PAIP2B: variants seen among roughly 807,000 people sequenced by gnomAD.
PAIP2B encodes the protein poly(A) binding protein interacting protein 2B, also known as polyadenylate-binding protein-interacting protein 2B.
PAIP2B carries 13 observed loss-of-function variants against 17.0 expected under a neutral mutation model. The observed-to-expected ratio is 0.76, with a 90% CI of 0.50 to 1.22. The LOEUF is 1.22. Among genes scored for constraint, PAIP2B ranks in the 50% most tolerant of loss-of-function variants. The pLI, the probability that PAIP2B is intolerant of heterozygous loss-of-function variation, is 0.00. For missense variants in PAIP2B, 117 were observed against 144.5 expected, an observed-to-expected ratio of 0.81 and a Z score of 0.98; for synonymous variants, 43 against 48.7, an observed-to-expected ratio of 0.88 and a Z score of 0.48.
At chr2:71,219,082 A>ATTTTTTTTTTTTTTT (rs568552077) in intron 1 of PAIP2B, among the ~76,000 whole-genome samples, 3 of 113,998 alleles carry the variant, frequency 2.6e-5, no homozygotes, top group African/African-American at 1.1e-4. Context: ...CGCCTAGCTA[A>ATTTTTTTTTTTTTTT]TTTTTTTTTT....
intron 1 of PAIP2B, among the ~76,000 whole-genome samples, chr2:71,212,842 C>T (rs974153057): frequency 6.6e-6 from 1 of 152,032 alleles, no homozygotes; most frequent in Non-Finnish European, 1.5e-5. Flanking sequence ...CAGCACTGAA[C>T]TCCCGGGCTG....
At chr2:71,213,787 C>A (rs111291397) in intron 1 of PAIP2B, among the ~76,000 whole-genome samples, 1 of 151,974 alleles carries the variant, frequency 6.6e-6, no homozygotes, top group African/African-American at 2.4e-5. Context: ...TTTCTCCAGG[C>A]CTTTAAAGGA....
At chr2:71,214,502 G>A (rs551004458) in intron 1 of PAIP2B, among the ~76,000 whole-genome samples, 2 of 152,218 alleles carry the variant, frequency 1.3e-5, no homozygotes, top group South Asian at 2.1e-4. Context: ...ATACTTTTAG[G>A]ATGAGAAACC....
intron 1 of PAIP2B, among the ~76,000 whole-genome samples, chr2:71,218,930 T>G (rs1053922188): frequency 6.6e-6 from 1 of 150,938 alleles, no homozygotes; most frequent in Non-Finnish European, 1.5e-5. Flanking sequence ...TTTTTTTTTT[T>G]TTTGAGATGG....
intron 1 of PAIP2B, among the ~76,000 whole-genome samples, chr2:71,208,511 A>G (rs1453931910): frequency 6.6e-6 from 1 of 152,038 alleles, no homozygotes. Context: ...AGACAATCAG[A>G]AGAGTGTGAC....
At chr2:71,220,123 T>G (rs2103826002) in intron 1 of PAIP2B, among the ~76,000 whole-genome samples, 1 of 152,324 alleles carries the variant, frequency 6.6e-6, no homozygotes, top group East Asian at 1.9e-4. Flanking sequence ...CAAACAATGA[T>G]GCCAAGCATA....
chr2:71,221,610 T>A (rs867427498), intron 1 of PAIP2B, among the ~76,000 whole-genome samples: 2 of 152,252 alleles, frequency 1.3e-5, no homozygotes, highest in East Asian at 1.9e-4. Flanking sequence ...CCTTGTTAGA[T>A]TCTTTATTAA....
chr2:71,191,578 C>T (rs1317822636), intron 2 of PAIP2B, among the ~76,000 whole-genome samples: 1 of 152,206 alleles, frequency 6.6e-6, no homozygotes, highest in Non-Finnish European at 1.5e-5. Context: ...CCCAGAGCAC[C>T]AGGCTGTTCA....
intron 1 of PAIP2B, among the ~76,000 whole-genome samples, chr2:71,208,345 C>G (rs1675192479): frequency 6.6e-6 from 1 of 151,960 alleles, no homozygotes; most frequent in South Asian, 2.1e-4. Flanking sequence ...ATCACTTGGA[C>G]CTGGGAGATG....
intron 1 of PAIP2B, among the ~76,000 whole-genome samples, chr2:71,224,233 G>A (rs1436659857): frequency 6.6e-6 from 1 of 152,112 alleles, no homozygotes; most frequent in Non-Finnish European, 1.5e-5. Flanking sequence ...CAGGCAAATC[G>A]CTTAACACTT....
chr2:71,215,203 T>G (rs1370035174), intron 1 of PAIP2B, among the ~76,000 whole-genome samples: 2 of 152,044 alleles, frequency 1.3e-5, no homozygotes, highest in East Asian at 3.9e-4. Context: ...CAGGAGCCTA[T>G]ATAAAATTAC....
intron 1 of PAIP2B, among the ~76,000 whole-genome samples, chr2:71,224,295 A>G (rs1016569219): frequency 3.3e-5 from 5 of 152,144 alleles, no homozygotes; most frequent in Non-Finnish European, 7.4e-5. Flanking sequence ...TACCAGGATG[A>G]GTTGTTTTTA....
intron 1 of PAIP2B, among the ~76,000 whole-genome samples, chr2:71,205,986 T>C (rs75465108): frequency 0.012 from 1,790 of 152,292 alleles, 36 homozygotes; most frequent in African/African-American, 0.038. Context: ...AGATGACAGA[T>C]TGACTGCAAC....
At chr2:71,215,402 G>A (rs1326912657) in intron 1 of PAIP2B, among the ~76,000 whole-genome samples, 8 of 152,300 alleles carry the variant, frequency 5.3e-5, no homozygotes, top group African/African-American at 1.9e-4. Flanking sequence ...AATCTGTGTC[G>A]TTTTCTAGAA....
intron 1 of PAIP2B, among the ~76,000 whole-genome samples, chr2:71,223,788 G>A (rs1442754045): frequency 6.6e-6 from 1 of 152,114 alleles, no homozygotes; most frequent in East Asian, 1.9e-4. Context: ...CAAACTGAAT[G>A]AATGAATATA....
At position 71,184,915 on chromosome 2, in the gene PAIP2B, C is replaced by A. The variant is rs1273494732; in HGVS notation, c.*3564G>T. 6.6e-6 allele frequency: 1 copy of A among 152,160 alleles called. No homozygotes were observed. The highest frequency in any genetic ancestry group is 1.5e-5 in the Non-Finnish European group (1 of 68,040). The allele number at this position is 152,160 out of a possible 1,614,324, so 9.4% of individuals were successfully genotyped here. On this transcript the variant is annotated 3_prime_UTR_variant, in exon 4 of 4. Transcript: ENST00000244221. ...TAACAGTTTCAATACCTCAATATCA[C>A]CTAAACTGAGAAAGATTATTAGCCC...
intron 1 of PAIP2B, among the ~76,000 whole-genome samples, chr2:71,226,603 G>A (rs956799332): frequency 1.2e-4 from 19 of 152,128 alleles, no homozygotes; most frequent in Admixed American, 3.3e-4. Context: ...CAAGAATTCG[G>A]TTCGAGTGTT....
chr2:71,193,671 G>A (rs1173202564), intron 2 of PAIP2B, among the ~76,000 whole-genome samples: 2 of 151,998 alleles, frequency 1.3e-5, no homozygotes, highest in East Asian at 3.9e-4. Context: ...GGCTAACACG[G>A]TGAAACCCCT....
In PAIP2B at chr2:71,227,080, C is replaced by G. The variant is rs1279394392; in HGVS notation, c.-164G>C. The G allele has an allele frequency of 6.5e-6, 1 of 153,166 alleles. No individual in the cohort carries two copies. Among genetic ancestry groups the G allele is most frequent in the Non-Finnish European group, 1.5e-5 (1 of 68,126 alleles). The allele number at this position is 153,166 out of a possible 1,614,324, so 9.5% of individuals were successfully genotyped here. Reference sequence around the variant, plus strand: ...ACCCGAGAAGCGCCACTACCACTTGCCAGGTTATCTCTTACTGCACACTGC... The same window carrying G: ...ACCCGAGAAGCGCCACTACCACTTGGCAGGTTATCTCTTACTGCACACTGC... On this transcript the variant is annotated 5_prime_UTR_variant, in exon 1 of 4. Transcript: ENST00000244221.
Sources: allele counts gnomAD v4.1 joint callset (sites outside exome capture counted in the v4.1 genomes callset), GRCh38; gene constraint gnomAD v4.1.1; transcripts MANE v1.5; gene names NCBI Gene and HGNC (gene_info 2026-07-23, HGNC 2026-07-21).